The following EPG5 variants were observed in gnomAD, a reference collection of about 807,000 sequenced individuals.
The protein encoded by EPG5 is ectopic P-granules 5 autophagy tethering factor.
In EPG5, 159 loss-of-function variants were observed where a neutral mutation model predicts 302.7. That is an observed-to-expected ratio of 0.53 (90% CI 0.46 to 0.60). The LOEUF (loss-of-function observed/expected upper bound fraction) is 0.60. Among genes scored for constraint, EPG5 ranks in the 20% least tolerant of loss-of-function variants. EPG5 has a pLI of 0.00. For missense variants in EPG5, 2,896 were observed against 3,092.4 expected, an observed-to-expected ratio of 0.94 and a Z score of 1.51; for synonymous variants, 1,158 against 1,136.8, an observed-to-expected ratio of 1.02 and a Z score of -0.37.
At chr18:45,819,448 C>G in the EPG5 span, among the ~76,000 whole-genome samples, 2 of 152,110 alleles carry the variant, frequency 1.3e-5, no homozygotes, top group African/African-American at 4.8e-5. Flanking sequence ...AAAAGTTCAG[C>G]AGCTGAGAAG....
At chr18:45,904,319 T>G (rs1392782357) in intron 24 of EPG5, among the ~76,000 whole-genome samples, 1 of 152,232 alleles carries the variant, frequency 6.6e-6, no homozygotes, top group African/African-American at 2.4e-5. Flanking sequence ...TGATTGTGTA[T>G]CATGATTAGA....
Position 45,860,302 on chromosome 18 carries a change from T to C in EPG5, c.6811A>G (p.Met2271Val). The C allele has an allele frequency of 6.2e-7, 1 of 1,614,192 alleles. No individual in the cohort carries two copies. Among genetic ancestry groups the C allele is most frequent in the Non-Finnish European group, 8.5e-7 (1 of 1,180,028 alleles). ...TRHMALSSLF[M>V]EVLMMMNNAT... ...TTGTTCATCATCATCAGGACTTCCA[T>C]AAAGAGGCTGCTGAGGGCCATGTGG... The change falls in exon 40 of 44, where the codon ATG (methionine) becomes GTG (valine). Residue 2271 changes from methionine (M) to valine (V), a missense_variant. Physicochemically the swap from Met to Val is conservative, Grantham distance 21 (BLOSUM62 1). Coordinates refer to ENST00000282041, the MANE Select transcript of EPG5 (RefSeq NM_020964.3).
At chr18:45,911,165 A>C (rs936901891) in intron 22 of EPG5, among the ~76,000 whole-genome samples, 6 of 151,242 alleles carry the variant, frequency 4.0e-5, no homozygotes, top group African/African-American at 1.5e-4. Context: ...TCTGTCACCC[A>C]GGCTGGAGTG....
chr18:45,950,246 A>AT (rs1490457140), intron 4 of EPG5, among the ~76,000 whole-genome samples: 1 of 152,182 alleles, frequency 6.6e-6, no homozygotes, highest in Non-Finnish European at 1.5e-5. Context: ...ACATAATAAG[A>AT]TATCTTGGTG....
intron 13 of EPG5, among the ~76,000 whole-genome samples, chr18:45,927,203 G>GT (rs978183836): frequency 4.2e-4 from 62 of 149,394 alleles, no homozygotes; most frequent in African/African-American, 1.1e-3. Flanking sequence ...CGGCTAATTT[G>GT]TTTTTTTTTC....
the EPG5 span, among the ~76,000 whole-genome samples, chr18:45,833,737 A>G: frequency 5.7e-4 from 87 of 152,332 alleles, 2 homozygotes; most frequent in Non-Finnish European, 1.2e-4. Context: ...TGTTGCTGTT[A>G]GTTCATAAAC....
At chr18:45,838,964 C>T in the EPG5 span, 1 of 1,604,000 alleles carries the variant, frequency 6.2e-7, no homozygotes. Flanking sequence ...CGCTCCGAGG[C>T]CAGCGTCTAC....
At position 45,848,381 on chromosome 18, in the gene EPG5, G is replaced by A. The variant is rs1250858520; in HGVS notation, c.*4086C>T. 3 of 152,198 alleles carry A rather than the reference G, an allele frequency of 2.0e-5. No individual in the cohort carries two copies. Among genetic ancestry groups the A allele is most frequent in the Non-Finnish European group, 4.4e-5 (3 of 68,032 alleles). The allele number at this position is 152,198 out of a possible 1,614,324, so 9.4% of individuals were successfully genotyped here. A position where few individuals can be genotyped will look rare whatever the true frequency, so the allele number is the denominator to read the frequency against. ...GTTAGGCCTGTCATGAAGATGTGGG[G>A]TGAGATCTGTCTTGGGCAACAACTG... On this transcript the variant is annotated 3_prime_UTR_variant, in exon 44 of 44. Coordinates refer to ENST00000282041, the MANE Select transcript of EPG5 (RefSeq NM_020964.3).
At chr18:45,909,712 C>A (rs761728959) in intron 23 of EPG5, among the ~76,000 whole-genome samples, 1 of 152,180 alleles carries the variant, frequency 6.6e-6, no homozygotes, top group Non-Finnish European at 1.5e-5. Context: ...GATTACTAGA[C>A]CCCTCATCTC....
At chr18:45,944,498 T>C (rs1178137189) in intron 7 of EPG5, among the ~76,000 whole-genome samples, 1 of 152,178 alleles carries the variant, frequency 6.6e-6, no homozygotes, top group Non-Finnish European at 1.5e-5. Flanking sequence ...CTCATGCCTA[T>C]AATCCCAGCA....
chr18:45,930,821 T>C lies in EPG5; in HGVS notation c.2267A>G (p.His756Arg). 1 of 1,591,296 alleles carries C rather than the reference T, an allele frequency of 6.3e-7. No homozygotes were observed. The highest frequency in any genetic ancestry group is 2.3e-5 in the East Asian group (1 of 44,152). ...QCKQQLQDPE[H>R]FTNFEKCLSS... is the part of the protein sequence containing the mutation. ...AAGACACTTCTCAAAGTTGGTAAAA[T>C]GTTCTGGGTCTGCAAGTTCATATCA... The change falls in exon 12 of 44, where the codon CAT becomes CGT. Residue 756 changes from histidine to arginine, a missense_variant. Around this residue, in one of 5 missense-constraint regions of EPG5, gnomAD observed 1,390 missense variants for 1,430.0 expected, o/e 0.97. Transcript: ENST00000282041.
At chr18:45,904,170 T>C (rs1186332828) in intron 24 of EPG5, 53 bp from the exon 25 acceptor site, 3 of 1,575,490 alleles carry the variant, frequency 1.9e-6, no homozygotes, top group South Asian at 1.2e-5. Context: ...TAGATTCACA[T>C]ATAAAACTAT....
chr18:45,841,882 C>T, the EPG5 span, among the ~76,000 whole-genome samples: 3 of 152,118 alleles, frequency 2.0e-5, no homozygotes, highest in African/African-American at 7.2e-5. Context: ...AGGCCTCAGA[C>T]AGAGATAGCA....
intron 27 of EPG5, among the ~76,000 whole-genome samples, chr18:45,899,037 A>C (rs2145572249): frequency 6.6e-6 from 1 of 152,280 alleles, no homozygotes; most frequent in Non-Finnish European, 1.5e-5. Flanking sequence ...GGGCAGGAGA[A>C]TCACTTGAAC....
intron 1 of EPG5, among the ~76,000 whole-genome samples, chr18:45,959,168 TGAACC>T (rs2051093214): frequency 6.6e-6 from 1 of 152,192 alleles, no homozygotes; most frequent in Non-Finnish European, 1.5e-5. Flanking sequence ...GCGGGCAAGG[TGAACC>T]CCTTGGGCAG....
At chr18:45,837,985 G>A in the EPG5 span, 1 of 1,379,936 alleles carries the variant, frequency 7.2e-7, no homozygotes, top group Non-Finnish European at 9.3e-7. Flanking sequence ...CAGGCGCTGT[G>A]CTGAGCCAGG....
chr18:45,835,302 C>G, the EPG5 span, among the ~76,000 whole-genome samples: 1 of 152,128 alleles, frequency 6.6e-6, no homozygotes, highest in Non-Finnish European at 1.5e-5. Flanking sequence ...CAGAGATGGG[C>G]ATGTGCACTA....
Position 45,925,819 on chromosome 18 carries a change from T to C in EPG5, c.2637A>G (p.Leu879=), listed in dbSNP as rs766732181. ...TCACCACTGTCAGGTTGTAATTCAA[T>C]AACCAATCCCGAATCACCGCTATCT... ...ASEIAVIRDW[L]LNYNLTVVKN... is the part of the protein sequence containing the mutation. The change falls in exon 14 of 44, where the codon TTA becomes TTG. Residue 879 remains leucine, a synonymous_variant. Transcript: ENST00000282041. 6.3e-7 allele frequency: 1 copy of C among 1,583,416 alleles called. No homozygotes were observed. The highest frequency in any genetic ancestry group is 1.9e-5 in the Admixed American group (1 of 52,908).
intron 13 of EPG5, among the ~76,000 whole-genome samples, chr18:45,928,177 C>T (rs1243716103): frequency 1.3e-5 from 2 of 150,822 alleles, no homozygotes; most frequent in African/African-American, 4.9e-5. Flanking sequence ...TGAGCCACTG[C>T]ACTCCAGCCT....
Sources: allele counts gnomAD v4.1 joint callset (sites outside exome capture counted in the v4.1 genomes callset), GRCh38; gene constraint gnomAD v4.1.1; regional missense constraint gnomAD v4.1.1; transcripts MANE v1.5; gene names NCBI Gene and HGNC (gene_info 2026-07-23, HGNC 2026-07-21).